Variants in SYNPO2 observed in about 807,000 individuals in gnomAD.
The protein encoded by SYNPO2 is synaptopodin 2.
Under a neutral mutation model 85.0 loss-of-function variants are expected in SYNPO2, and 56 were observed. The ratio of observed to expected loss-of-function variants is 0.66; its 90% CI spans 0.53 to 0.82. The LOEUF (loss-of-function observed/expected upper bound fraction) is 0.82, where lower values mean the gene tolerates loss of function less well. Among genes scored for constraint, SYNPO2 ranks in the 40% least tolerant of loss-of-function variants. The pLI, the probability that SYNPO2 is intolerant of heterozygous loss-of-function variation, is 0.00. For synonymous variants in SYNPO2, 602 were observed against 591.1 expected, an observed-to-expected ratio of 1.02 and a Z score of -0.27; for missense variants, 1,575 against 1,534.2, an observed-to-expected ratio of 1.03 and a Z score of -0.44.
intron 1 of SYNPO2, among the ~76,000 whole-genome samples, chr4:118,995,410 T>C (rs1736551204): frequency 6.6e-6 from 1 of 152,172 alleles, no homozygotes; most frequent in Admixed American, 6.5e-5. Context: ...CTGTGATGGG[T>C]ATCTTATATA....
In SYNPO2 at chr4:119,031,129, C is replaced by A; in HGVS notation, c.2354C>A (p.Ala785Asp). The A allele has an allele frequency of 6.2e-7, 1 of 1,614,142 alleles. No individual in the cohort carries two copies. Among genetic ancestry groups the A allele is most frequent in the Middle Eastern group, 1.6e-4 (1 of 6,062 alleles). The change falls in exon 4 of 5, where the codon GCT (alanine) becomes GAT (aspartate). Residue 785 changes from alanine (A) to aspartate (D), a missense_variant. By Grantham distance (126) the Ala-to-Asp change is moderately radical. This residue lies in a region of SYNPO2 where 1,508 missense variants were observed against 1,446.8 expected (regional missense o/e 1.04). Coordinates refer to ENST00000307142, the MANE Select transcript of SYNPO2 (RefSeq NM_133477.3). ...PVSPVWSPGVAPTQPPAFPTS... is the reference protein window; with the variant it reads ...PVSPVWSPGVDPTQPPAFPTS... ...TCCCCAGTCTGGTCTCCAGGAGTGG[C>A]TCCCACCCAACCTCCTGCCTTCCCC...
At chr4:118,854,267 C>T (rs1445868872) in intron 1 of SYNPO2, among the ~76,000 whole-genome samples, 1 of 152,216 alleles carries the variant, frequency 6.6e-6, no homozygotes, top group African/African-American at 2.4e-5. Context: ...AGTGTATTTA[C>T]ATGTCACTCT....
intron 1 of SYNPO2, among the ~76,000 whole-genome samples, chr4:118,943,784 T>C (rs1379521413): frequency 6.6e-6 from 1 of 152,234 alleles, no homozygotes; most frequent in Non-Finnish European, 1.5e-5. Flanking sequence ...AATCTGACTC[T>C]AAAGGCAATT....
chr4:118,959,987 C>G (rs1735020420), intron 1 of SYNPO2, among the ~76,000 whole-genome samples: 1 of 152,126 alleles, frequency 6.6e-6, no homozygotes, highest in Non-Finnish European at 1.5e-5. Context: ...GGGTTCTATC[C>G]TTGTAAGAGA....
chr4:118,927,577 AAGAG>A (rs1214816459), intron 1 of SYNPO2, among the ~76,000 whole-genome samples: 2 of 152,128 alleles, frequency 1.3e-5, no homozygotes, highest in South Asian at 2.1e-4. Context: ...TCATGTAAGA[AAGAG>A]AGAGAAAGAG....
intron 1 of SYNPO2, among the ~76,000 whole-genome samples, chr4:118,853,248 G>A (rs1402908997): frequency 2.6e-5 from 4 of 152,172 alleles, no homozygotes; most frequent in Non-Finnish European, 5.9e-5. Flanking sequence ...CTCAACAGAT[G>A]TTTGTAGATT....
At chr4:118,900,783 CT>C (rs1302541585) in intron 1 of SYNPO2, among the ~76,000 whole-genome samples, 2 of 139,388 alleles carry the variant, frequency 1.4e-5, no homozygotes, top group South Asian at 4.5e-4. Context: ...ATCTATCTAT[CT>C]ATAGATATTT....
intron 1 of SYNPO2, among the ~76,000 whole-genome samples, chr4:118,954,705 A>C (rs1466004294): frequency 2.0e-5 from 3 of 152,164 alleles, no homozygotes; most frequent in Non-Finnish European, 1.5e-5. Flanking sequence ...CCATTGTCTA[A>C]TATGGTTTTA....
At chr4:118,866,298 C>G (rs893800677) in intron 1 of SYNPO2, among the ~76,000 whole-genome samples, 6 of 152,124 alleles carry the variant, frequency 3.9e-5, no homozygotes, top group Admixed American at 1.3e-4. Context: ...CACTCCCCGA[C>G]CCCCACACTA....
rs748137876 is a variant in SYNPO2, at chr4:119,030,175, G to T, written c.1400G>T (p.Gly467Val). Residue 467 changes from glycine to valine, a missense_variant, in exon 4 of 5, where the codon GGA (glycine) becomes GTA (valine). Physicochemically the swap from Gly to Val is moderately radical, Grantham distance 109. Transcript: ENST00000307142. Reference sequence around the variant, plus strand: ...GTTGTGAACTTTGACTGGGATTCTGGACTGGTGGACATTGAAAAGAAACTG... The same window carrying T: ...GTTGTGAACTTTGACTGGGATTCTGTACTGGTGGACATTGAAAAGAAACTG... ...TQVVNFDWDS[G>V]LVDIEKKLNR... 1 of 1,614,080 alleles carries T rather than the reference G, an allele frequency of 6.2e-7. No homozygotes were observed. Among genetic ancestry groups the T allele is most frequent in the Non-Finnish European group, 8.5e-7 (1 of 1,180,008 alleles).
At chr4:118,920,415 A>T (rs1733494086) in intron 1 of SYNPO2, among the ~76,000 whole-genome samples, 1 of 152,064 alleles carries the variant, frequency 6.6e-6, no homozygotes, top group Non-Finnish European at 1.5e-5. Flanking sequence ...AGTGAGTGAG[A>T]TCACCCATGT....
chr4:119,047,338 C>T (rs572302538), intron 4 of SYNPO2, among the ~76,000 whole-genome samples: 9 of 152,212 alleles, frequency 5.9e-5, no homozygotes, highest in African/African-American at 1.9e-4. Flanking sequence ...GGATTACAGG[C>T]GTAAGCCACT....
At chr4:119,056,151 A>T (rs908445098) in intron 4 of SYNPO2, among the ~76,000 whole-genome samples, 1 of 152,230 alleles carries the variant, frequency 6.6e-6, no homozygotes, top group Non-Finnish European at 1.5e-5. Context: ...ACACAGCCTC[A>T]TGCATATTGG....
chr4:119,021,081 A>C (rs1737702634), intron 1 of SYNPO2, among the ~76,000 whole-genome samples: 1 of 152,220 alleles, frequency 6.6e-6, no homozygotes, highest in Non-Finnish European at 1.5e-5. Flanking sequence ...CTTCCCCAAG[A>C]GGTAATGATA....
At chr4:118,936,763 G>A (rs371227303) in intron 1 of SYNPO2, among the ~76,000 whole-genome samples, 5 of 152,178 alleles carry the variant, frequency 3.3e-5, no homozygotes, top group African/African-American at 9.6e-5. Flanking sequence ...TAAGCCTGTG[G>A]TGTCCTCCTC....
intron 1 of SYNPO2, among the ~76,000 whole-genome samples, chr4:119,005,876 GCTAGT>G (rs1737014392): frequency 6.6e-6 from 1 of 152,180 alleles, no homozygotes; most frequent in Non-Finnish European, 1.5e-5. Flanking sequence ...TTAACACTAA[GCTAGT>G]CTAGGAACAT....
At chr4:118,910,250 C>G (rs1046392823) in intron 1 of SYNPO2, among the ~76,000 whole-genome samples, 2 of 152,198 alleles carry the variant, frequency 1.3e-5, no homozygotes, top group Admixed American at 1.3e-4. Flanking sequence ...CTCCTTGTGA[C>G]AGGAGACATT....
In SYNPO2 at chr4:118,888,881, C is replaced by A; in HGVS notation, c.-156C>A. 2.7e-6 allele frequency: 2 copies of A among 732,680 alleles called. No individual in the cohort carries two copies. Among genetic ancestry groups the A allele is most frequent in the Non-Finnish European group, 4.6e-6 (2 of 435,404 alleles). The allele number at this position is 732,680 out of a possible 1,614,324, so 45.4% of individuals were successfully genotyped here. ...ACAAATTCGCAGCAGGCGGCTGGGG[C>A]GGCGGCTGGGGCAGCGGCTGCAGCA... On this transcript the variant is annotated 5_prime_UTR_variant, in exon 1 of 5. Transcript: ENST00000307142.
At position 118,906,323 on chromosome 4, in the gene SYNPO2, A is replaced by G; in HGVS notation, c.105+17182A>G. Among the ~76,000 whole-genome samples the G allele has an allele frequency of 1.3e-5, 2 of 152,208 alleles. 1 individual carries two copies. The highest frequency in any genetic ancestry group is 3.8e-4 in the East Asian group (2 of 5,196). ...TAATGTAATAGTATGTAGTAACAAG[A>G]TGCAAATCCAAGAGCTTCAGTGGAA... On this transcript the variant is annotated intron_variant, in intron 1 of 4. Transcript: ENST00000307142.
Sources: allele counts gnomAD v4.1 joint callset (sites outside exome capture counted in the v4.1 genomes callset), GRCh38; gene constraint gnomAD v4.1.1; regional missense constraint gnomAD v4.1.1; transcripts MANE v1.5; gene names NCBI Gene and HGNC (gene_info 2026-07-23, HGNC 2026-07-21).